Variants in DIP2C observed in about 807,000 individuals in gnomAD.
DIP2C encodes disco-interacting protein 2 homolog C.
A neutral mutation model predicts 192.4 loss-of-function variants in DIP2C; 33 were observed. That is an observed-to-expected ratio of 0.17 (90% CI 0.13 to 0.23). The LOEUF is 0.23. DIP2C is among the 10% of genes least tolerant of loss of function. DIP2C has a pLI of 1.00. For missense variants in DIP2C, 1,537 were observed against 2,110.1 expected, an observed-to-expected ratio of 0.73 and a Z score of 5.32; for synonymous variants, 979 against 864.1, an observed-to-expected ratio of 1.13 and a Z score of -2.33.
At chr10:360,221 G>A (rs1243687919) in intron 22 of DIP2C, among the ~76,000 whole-genome samples, 1 of 152,110 alleles carries the variant, frequency 6.6e-6, no homozygotes, top group Non-Finnish European at 1.5e-5. Context: ...CTGTTTTCCC[G>A]ACTGCTCCTG....
At chr10:597,153 C>CCTGT (rs1851757804) in intron 1 of DIP2C, among the ~76,000 whole-genome samples, 1 of 152,194 alleles carries the variant, frequency 6.6e-6, no homozygotes. Context: ...GCTCGCTCCA[C>CCTGT]CTGTCTGGCT....
chr10:648,734 G>A (rs563283806), intron 1 of DIP2C, among the ~76,000 whole-genome samples: 9 of 145,180 alleles, frequency 6.2e-5, no homozygotes, highest in South Asian at 2.3e-4. Context: ...CTGAGTCCAC[G>A]TCCACAGTGG....
At chr10:609,643 G>T (rs1039522789) in intron 1 of DIP2C, among the ~76,000 whole-genome samples, 1 of 152,184 alleles carries the variant, frequency 6.6e-6, no homozygotes, top group Admixed American at 6.5e-5. Flanking sequence ...TGTGGTTAGA[G>T]TATTTAACAG....
intron 1 of DIP2C, among the ~76,000 whole-genome samples, chr10:685,786 A>G (rs1326337359): frequency 6.6e-6 from 1 of 151,940 alleles, no homozygotes; most frequent in Non-Finnish European, 1.5e-5. Context: ...ACATGATGAA[A>G]CCCCATCTCT....
At chr10:448,514 AC>A (rs1341651471) in intron 3 of DIP2C, among the ~76,000 whole-genome samples, 2 of 135,322 alleles carry the variant, frequency 1.5e-5, no homozygotes, top group South Asian at 4.9e-4. Context: ...GGACCCGCTC[AC>A]TCCCGTTGAT....
intron 10 of DIP2C, among the ~76,000 whole-genome samples, chr10:395,407 ATG>A (rs1203957836): frequency 6.6e-6 from 1 of 152,192 alleles, no homozygotes; most frequent in Non-Finnish European, 1.5e-5. Context: ...TACCCCATAA[ATG>A]TATATAATTA....
chr10:501,962 T>C (rs1354397543), intron 1 of DIP2C, among the ~76,000 whole-genome samples: 1 of 151,964 alleles, frequency 6.6e-6, no homozygotes, highest in Non-Finnish European at 1.5e-5. Flanking sequence ...CTGGGTAACA[T>C]AGTGAAACTC....
In DIP2C at chr10:588,525, G is replaced by T. The variant is rs572389408; in HGVS notation, c.85+100969C>A. On this transcript the variant is annotated intron_variant, in intron 1 of 36. Coordinates refer to ENST00000280886, the MANE Select transcript of DIP2C (RefSeq NM_014974.3). The stretch of plus-strand genomic sequence containing the variant: ...CGAATCTGAGGTCGCAGCTGCCTGC[G>T]GCTTGGGTCCCTGCCGGGAAAGTGA... Among the ~76,000 whole-genome samples the T allele has an allele frequency of 1.9e-4, 29 of 152,362 alleles. No homozygotes were observed. The South Asian group carries it at 3.5e-3, about 18-fold the overall frequency.
rs141502583 is a variant in DIP2C at position 416,476 on chromosome 10, C to T, written c.740-588G>A. 3.0e-3 allele frequency among the ~76,000 whole-genome samples: 454 copies of T among 152,240 alleles called. 3 individuals carry two copies. Among genetic ancestry groups the T allele is most frequent in the African/African-American group, 0.01 (418 of 41,540 alleles). Reference sequence around the variant, plus strand: ...TAATAAAGACTGAGCTCCTCACACGCGTTCCAAACCCACGCAGCTCAGCCC... The same window carrying T: ...TAATAAAGACTGAGCTCCTCACACGTGTTCCAAACCCACGCAGCTCAGCCC... On this transcript the variant is annotated intron_variant, in intron 6 of 36. Transcript: ENST00000280886.
At chr10:621,466 C>T (rs570453843) in intron 1 of DIP2C, among the ~76,000 whole-genome samples, 8 of 149,380 alleles carry the variant, frequency 5.4e-5, no homozygotes, top group Non-Finnish European at 8.9e-5. Context: ...GCTCTGTATG[C>T]GCTCACGAGT....
rs1855834429 is a variant in DIP2C, at chr10:650,802, C to T, written c.85+38692G>A. On this transcript the variant is annotated intron_variant, in intron 1 of 36. Transcript: ENST00000280886. Reference sequence around the variant, plus strand: ...TTTGCAACCAGAATCCTGGCTGATCCACCATGGAACCCAGATGTCCTCAGT... The same window carrying T: ...TTTGCAACCAGAATCCTGGCTGATCTACCATGGAACCCAGATGTCCTCAGT... 5 of 683,800 alleles carry T rather than the reference C, an allele frequency of 7.3e-6. No individual in the cohort carries two copies. The South Asian group carries it at 8.0e-5, about 11-fold the overall frequency. The allele number at this position is 683,800 out of a possible 1,614,324, so 42.4% of individuals were successfully genotyped here.
At chr10:444,776 C>T (rs1202291252) in intron 3 of DIP2C, among the ~76,000 whole-genome samples, 2 of 152,234 alleles carry the variant, frequency 1.3e-5, no homozygotes, top group Admixed American at 1.3e-4. Context: ...TACATTTTTC[C>T]TGATGGGAAC....
chr10:449,643 AG>A (rs1244621162), intron 3 of DIP2C, among the ~76,000 whole-genome samples: 2 of 41,850 alleles, frequency 4.8e-5, no homozygotes, highest in Admixed American at 3.0e-4. Flanking sequence ...GGGTCGGGGG[AG>A]GGGGGAGGGA....
At chr10:351,972 G>A (rs1018136829) in intron 24 of DIP2C, among the ~76,000 whole-genome samples, 5 of 152,182 alleles carry the variant, frequency 3.3e-5, no homozygotes, top group African/African-American at 1.2e-4. Flanking sequence ...CCATCGCTGT[G>A]AGCATGGACG....
At chr10:433,891 TTTTGTC>T (rs936764918) in intron 4 of DIP2C, among the ~76,000 whole-genome samples, 7 of 151,604 alleles carry the variant, frequency 4.6e-5, no homozygotes, top group African/African-American at 1.7e-4. Flanking sequence ...TCTGTTGCCC[TTTTGTC>T]TTTTTTTTTC....
intron 14 of DIP2C, 75 bp downstream of exon 14, chr10:387,670 G>T: frequency 8.0e-7 from 1 of 1,252,288 alleles, no homozygotes; most frequent in Non-Finnish European, 1.2e-6. Flanking sequence ...TGGGGAGGGG[G>T]ACTCCTGTGT....
intron 1 of DIP2C, among the ~76,000 whole-genome samples, chr10:656,318 G>T (rs374840267): frequency 4.0e-5 from 6 of 150,638 alleles, no homozygotes; most frequent in African/African-American, 1.5e-4. Flanking sequence ...TCTACTCTAT[G>T]CTACCTTATC....
chr10:486,420 G>A (rs768542622), intron 2 of DIP2C, 39 bp downstream of exon 2: 1 of 1,532,678 alleles, frequency 6.5e-7, no homozygotes, highest in South Asian at 1.3e-5. Flanking sequence ...GTGAATGCGG[G>A]AAATGAGAGG....
chr10:378,244 T>G (rs571298127), intron 17 of DIP2C, among the ~76,000 whole-genome samples: 19 of 152,270 alleles, frequency 1.2e-4, no homozygotes, highest in African/African-American at 4.3e-4. Context: ...AATGCCTAGG[T>G]GAAAATACAG....
Sources: allele counts gnomAD v4.1 joint callset (sites outside exome capture counted in the v4.1 genomes callset), GRCh38; gene constraint gnomAD v4.1.1; transcripts MANE v1.5; gene names NCBI Gene and HGNC (gene_info 2026-07-23, HGNC 2026-07-21).